The following KDM6A variants were observed in gnomAD, a reference collection of about 807,000 sequenced individuals.
KDM6A encodes the protein lysine demethylase 6A, also known as lysine-specific demethylase 6A.
KDM6A carries 11 observed loss-of-function variants against 117.6 expected under a neutral mutation model. That is an observed-to-expected ratio of 0.09 (90% CI 0.06 to 0.15). KDM6A has a LOEUF of 0.15. KDM6A is among the 10% of genes least tolerant of loss of function. The pLI, the probability that KDM6A is intolerant of heterozygous loss-of-function variation, is 1.00. For missense variants in KDM6A, 799 were observed against 1,077.3 expected (o/e 0.74, Z 3.62); for synonymous variants, 384 against 396.1 (o/e 0.97, Z 0.36).
At chrX:45,104,510 T>G (rs2046457260) in intron 27 of KDM6A, among the ~76,000 whole-genome samples, 2 of 112,354 alleles carry the variant, frequency 1.8e-5, no homozygotes, top group Admixed American at 9.4e-5. Flanking sequence ...ATTTAAGTCT[T>G]AAATATTATA....
intron 2 of KDM6A, among the ~76,000 whole-genome samples, chrX:44,877,807 G>T (rs1258785957): frequency 9.0e-6 from 1 of 111,044 alleles, no homozygotes. Flanking sequence ...AAAATACTTA[G>T]AAGTTATAGA....
At chrX:45,004,739 C>T (rs1282748167) in intron 4 of KDM6A, among the ~76,000 whole-genome samples, 1 of 111,379 alleles carries the variant, frequency 9.0e-6, no homozygotes, top group African/African-American at 3.3e-5. Flanking sequence ...TTGTTATTGT[C>T]CCACCAGGGG....
intron 5 of KDM6A, among the ~76,000 whole-genome samples, chrX:45,019,478 G>T (rs182748217): frequency 1.2e-4 from 13 of 111,899 alleles, no homozygotes; most frequent in Admixed American, 5.7e-4. Context: ...AGTAAATAAT[G>T]TATGAATTGA....
In KDM6A at chrX:45,051,752, A is replaced by G; in HGVS notation, c.698A>G (p.Gln233Arg). Residue 233 changes from glutamine (Q) to arginine (R), a missense_variant, in exon 9 of 30, where the codon CAG becomes CGG. Physicochemically the swap from Gln to Arg is conservative, Grantham distance 43. Coordinates refer to ENST00000611820, the MANE Select transcript of KDM6A (RefSeq NM_001291415.2). ...AAAGAAGCTTATGAACAACTTTTGC[A>G]GACAGAGAATCTTTCTGCACAAGTA... Reference protein sequence around the residue: ...SAKEAYEQLLQTENLSAQVKA... With the variant: ...SAKEAYEQLLRTENLSAQVKA... The G allele has an allele frequency of 8.4e-7, 1 of 1,193,043 alleles. No individual in the cohort carries two copies. Among genetic ancestry groups the G allele is most frequent in the South Asian group, 1.8e-5 (1 of 56,047 alleles).
At chrX:44,983,620 A>G (rs994051800) in intron 4 of KDM6A, among the ~76,000 whole-genome samples, 41 of 87,749 alleles carry the variant, frequency 4.7e-4, no homozygotes, top group African/African-American at 1.6e-3. Flanking sequence ...GTGTCCATGT[A>G]TTCTCATTGT....
intron 16 of KDM6A, among the ~76,000 whole-genome samples, chrX:45,063,056 G>A (rs188722637): frequency 3.9e-4 from 43 of 111,164 alleles, no homozygotes; most frequent in African/African-American, 1.3e-3. Context: ...ACAGGATCTG[G>A]CATATATGTA....
At position 45,054,803 on chromosome X, in the gene KDM6A, C is replaced by T. The variant is rs773200027; in HGVS notation, c.875+848C>T. ...TTTTAAAGCCTCAAATTTTGTTTAA[C>T]GTATTTAGAGAATTGTATTAGATCA... On this transcript the variant is annotated intron_variant, in intron 10 of 29. Transcript: ENST00000611820. 5.4e-5 allele frequency among the ~76,000 whole-genome samples: 6 copies of T among 111,752 alleles called. No homozygotes were observed. The South Asian group carries it at 1.5e-3, about 28-fold the overall frequency.
intron 4 of KDM6A, among the ~76,000 whole-genome samples, chrX:45,005,383 G>T (rs186337439): frequency 9.0e-6 from 1 of 110,852 alleles, no homozygotes; most frequent in African/African-American, 3.3e-5. Context: ...TCATTTTGAG[G>T]TGCCAGATTG....
intron 5 of KDM6A, among the ~76,000 whole-genome samples, chrX:45,011,376 A>G (rs1355775128): frequency 9.0e-6 from 1 of 111,235 alleles, no homozygotes; most frequent in African/African-American, 3.3e-5. Context: ...ATGTGGGTAA[A>G]TGGTCTATGA....
intron 2 of KDM6A, among the ~76,000 whole-genome samples, chrX:44,896,075 A>T (rs931965943): frequency 1.7e-4 from 17 of 99,427 alleles, no homozygotes; most frequent in South Asian, 8.7e-4. Context: ...TTAAAAATAA[A>T]TTTTTTTTTT....
In KDM6A at chrX:45,091,235, A is replaced by G. The variant is rs1434697421; in HGVS notation, c.4034+371A>G. ...TGTCACAGACAAATTAGCAGTTAATATAGGGATTTGACTAAAATGCTGATT... is the reference window on the plus strand; with the variant it reads ...TGTCACAGACAAATTAGCAGTTAATGTAGGGATTTGACTAAAATGCTGATT... On this transcript the variant is annotated intron_variant, in intron 27 of 29. Transcript: ENST00000611820. 2.7e-5 allele frequency among the ~76,000 whole-genome samples: 3 copies of G among 111,488 alleles called. No homozygotes were observed. The East Asian group carries it at 8.4e-4, about 31-fold the overall frequency.
intron 4 of KDM6A, among the ~76,000 whole-genome samples, chrX:45,005,785 C>A (rs184956448): frequency 9.1e-6 from 1 of 109,380 alleles, no homozygotes; most frequent in East Asian, 2.9e-4. Flanking sequence ...GGTTCAATTT[C>A]CCTTACTGAA....
chrX:44,877,924 T>C (rs2031852448), intron 2 of KDM6A, among the ~76,000 whole-genome samples: 1 of 111,651 alleles, frequency 9.0e-6, no homozygotes, highest in African/African-American at 3.3e-5. Flanking sequence ...TAAGATCCAT[T>C]GAAACATATT....
At chrX:45,023,793 C>G (rs1347156771) in intron 6 of KDM6A, among the ~76,000 whole-genome samples, 4 of 110,701 alleles carry the variant, frequency 3.6e-5, no homozygotes, top group Non-Finnish European at 7.6e-5. Flanking sequence ...CCCGCACCCC[C>G]TTGCCTCTCT....
intron 27 of KDM6A, among the ~76,000 whole-genome samples, chrX:45,091,312 A>T (rs2045887314): frequency 8.9e-6 from 1 of 111,819 alleles, no homozygotes; most frequent in African/African-American, 3.2e-5. Context: ...TTTCTGAGCT[A>T]CTTAAAAAAA....
chrX:44,972,509 C>T lies in KDM6A; in HGVS notation c.335-2157C>T, dbSNP rs763298267. Among the ~76,000 whole-genome samples the T allele has an allele frequency of 8.1e-5, 9 of 111,345 alleles. No homozygotes were observed. In the East Asian group the frequency reaches 2.0e-3, roughly 24 times the overall value. ...ATGTAAGGAAGGGGCCATATTGTCA[C>T]TATTTAGAGGAGGCTCTTGGGAGAA... is the stretch of plus-strand genomic sequence containing the variant. On this transcript the variant is annotated intron_variant, in intron 3 of 29. Coordinates refer to ENST00000611820, the MANE Select transcript of KDM6A (RefSeq NM_001291415.2).
chrX:45,106,452 GAGTAGATA>G (rs968053785), intron 27 of KDM6A: 1 of 305,223 alleles, frequency 3.3e-6, no homozygotes, highest in Non-Finnish European at 6.5e-6. Context: ...CCTAGGTGGT[GAGTAGATA>G]AGTAGATAGC....
intron 2 of KDM6A, among the ~76,000 whole-genome samples, chrX:44,936,286 C>G (rs773772181): frequency 2.3e-4 from 25 of 111,067 alleles, no homozygotes; most frequent in Non-Finnish European, 4.3e-4. Context: ...TTTCAGGATC[C>G]TTATCTTAAT....
At chrX:45,103,746 T>G (rs781353796) in intron 27 of KDM6A, among the ~76,000 whole-genome samples, 1 of 111,885 alleles carries the variant, frequency 8.9e-6, no homozygotes, top group Non-Finnish European at 1.9e-5. Context: ...TATGCCAAGC[T>G]CTCAATCAGC....
Sources: gnomAD v4.1 joint callset for allele counts (sites outside exome capture counted in the v4.1 genomes callset) on GRCh38, gnomAD v4.1.1 for gene constraint, MANE v1.5 for transcripts, NCBI Gene and HGNC (gene_info 2026-07-23, HGNC 2026-07-21) for gene names.